SRPK1: variants seen among roughly 807,000 people sequenced by gnomAD.
SRPK1 encodes the protein SFRS protein kinase 1.
SRPK1 carries 52 observed loss-of-function variants against 89.5 expected under a neutral mutation model. That is an observed-to-expected ratio of 0.58 (90% CI 0.46 to 0.73). The LOEUF (loss-of-function observed/expected upper bound fraction) is 0.73, where lower values mean the gene tolerates loss of function less well. SRPK1 is among the 30% of genes least tolerant of loss of function. The pLI is 0.00. For missense variants in SRPK1, 603 were observed against 780.6 expected, an observed-to-expected ratio of 0.77 and a Z score of 2.71; for synonymous variants, 255 against 270.2, an observed-to-expected ratio of 0.94 and a Z score of 0.55.
intron 2 of SRPK1, among the ~76,000 whole-genome samples, chr6:35,918,711 CAATT>C (rs1170527229): frequency 6.6e-6 from 1 of 152,126 alleles, no homozygotes. Context: ...TACTTGCAAA[CAATT>C]AACACAAATA....
chr6:35,853,284 G>A (rs866301354), intron 13 of SRPK1, among the ~76,000 whole-genome samples: 5 of 151,284 alleles, frequency 3.3e-5, no homozygotes, highest in African/African-American at 1.2e-4. Context: ...AAAACAAAAT[G>A]AAACAACAAC....
At position 35,854,217 on chromosome 6, in the gene SRPK1, C is replaced by T. The variant is rs150295159; in HGVS notation, c.1620+3044G>A. Among the ~76,000 whole-genome samples, 1,218 of 152,236 alleles carry T rather than the reference C, an allele frequency of 8.0e-3. 13 individuals carry two copies. The highest frequency in any genetic ancestry group is 0.024 in the African/African-American group (978 of 41,540). On this transcript the variant is annotated intron_variant, in intron 13 of 15. Coordinates refer to ENST00000373825, the MANE Select transcript of SRPK1 (RefSeq NM_003137.5). ...CTGCCTGCCTCAGCCTCCCAAAGTG[C>T]TGGAATTACAAGTATAAGCCACTAC...
rs560685673 is a variant in SRPK1 at position 35,915,406 on chromosome 6, C to CAAAA, written c.74+5058_74+5061dup. Among the ~76,000 whole-genome samples, 435 of 73,752 alleles carry CAAAA rather than the reference C, an allele frequency of 5.9e-3. 2 individuals are homozygous for CAAAA. The highest frequency in any genetic ancestry group is 0.015 in the Admixed American group (90 of 6,172). 48.4% of individuals were successfully genotyped at this position (73,752 alleles called of 152,430 possible). On this transcript the variant is annotated intron_variant, in intron 2 of 15. Coordinates refer to ENST00000373825, the MANE Select transcript of SRPK1 (RefSeq NM_003137.5). ...TGGACGACAGAGCAAGACACCGTCT[C>CAAAA]AAAAAAAAAAAAAAAAAAGAAAAAT...
rs573614699 is a variant in SRPK1 at position 35,858,693 on chromosome 6, C to T, written c.1513-1325G>A. ...CCCCACCCAATCTCATACCCTTTCT[C>T]AGGAAACTATTGCTTGTTGCATGTA... On this transcript the variant is annotated intron_variant, in intron 12 of 15. Coordinates refer to ENST00000373825, the MANE Select transcript of SRPK1 (RefSeq NM_003137.5). 1.2e-4 allele frequency among the ~76,000 whole-genome samples: 18 copies of T among 152,132 alleles called. No homozygotes were observed. In the South Asian group the frequency reaches 3.5e-3, roughly 30 times the overall value.
intron 15 of SRPK1, among the ~76,000 whole-genome samples, chr6:35,836,285 C>T (rs1769177220): frequency 6.6e-6 from 1 of 151,880 alleles, no homozygotes; most frequent in African/African-American, 2.4e-5. Context: ...CCAAACCACC[C>T]CCCAACCCCC....
intron 7 of SRPK1, 113 bp from the exon 8 acceptor site, chr6:35,872,841 T>A: frequency 1.9e-6 from 2 of 1,029,276 alleles, no homozygotes; most frequent in South Asian, 1.9e-5. Context: ...GCGTTTTCTA[T>A]AGAGAATAAA....
At chr6:35,917,061 AAAAAC>A (rs112199076) in intron 2 of SRPK1, among the ~76,000 whole-genome samples, 9 of 150,998 alleles carry the variant, frequency 6.0e-5, no homozygotes, top group African/African-American at 1.5e-4. Context: ...CTCTGTCTCA[AAAAAC>A]AAAACAAAAC....
In SRPK1 at chr6:35,835,390, CT is replaced by C; in HGVS notation, c.1881del (p.Asp628IlefsTer9). On this transcript the variant is annotated frameshift_variant, in exon 16 of 16. Transcript: ENST00000373825. LOFTEE classifies it high-confidence loss of function. Reference protein sequence around the residue: ...EWSQEEAAGFTDFLLPMLELI... With the variant: ...EWSQEEAAGFXDFLLPMLELI... ...AGCTCCAACATGGGCAGTAAGAAATCTGTGAAGCCAGCTGCCTCTTCCTGCG... is the reference window on the plus strand; with the variant it reads ...AGCTCCAACATGGGCAGTAAGAAATCGTGAAGCCAGCTGCCTCTTCCTGCG... The C allele has an allele frequency of 3.1e-6, 5 of 1,613,814 alleles. No homozygotes were observed. Among genetic ancestry groups the C allele is most frequent in the Non-Finnish European group, 4.2e-6 (5 of 1,179,832 alleles).
chr6:35,901,182 C>G (rs989744472), intron 2 of SRPK1, among the ~76,000 whole-genome samples: 1 of 152,058 alleles, frequency 6.6e-6, no homozygotes, highest in African/African-American at 2.4e-5. Context: ...TGAATTGTGC[C>G]CCTCCTAGAA....
At chr6:35,919,496 C>G (rs659532) in intron 2 of SRPK1, among the ~76,000 whole-genome samples, 51,638 of 152,016 alleles carry the variant, frequency 0.34, 9,034 homozygotes, top group South Asian at 0.45. Flanking sequence ...AAATGTAAAA[C>G]TATAAAGATA....
chr6:35,870,186 ATG>A (rs2127245503), intron 10 of SRPK1, 93 bp downstream of exon 10: 1 of 1,034,166 alleles, frequency 9.7e-7, no homozygotes, highest in Admixed American at 2.7e-5. Flanking sequence ...ACCCCCAGAG[ATG>A]TGTTGTATGT....
chr6:35,907,689 G>A (rs1314056205), intron 2 of SRPK1, among the ~76,000 whole-genome samples: 3 of 148,756 alleles, frequency 2.0e-5, no homozygotes, highest in Admixed American at 1.4e-4. Flanking sequence ...TGGGCAATGA[G>A]AACAAAACTC....
At chr6:35,861,910 C>T (rs1330220276) in intron 12 of SRPK1, among the ~76,000 whole-genome samples, 1 of 152,198 alleles carries the variant, frequency 6.6e-6, no homozygotes, top group Non-Finnish European at 1.5e-5. Flanking sequence ...GAGTTTAAAG[C>T]TGGGCTATGC....
intron 13 of SRPK1, among the ~76,000 whole-genome samples, chr6:35,852,234 T>C (rs577244151): frequency 1.3e-5 from 2 of 152,298 alleles, no homozygotes; most frequent in African/African-American, 4.8e-5. Flanking sequence ...CACTCCCATC[T>C]CTTGAATACA....
At chr6:35,853,777 C>T (rs1769607327) in intron 13 of SRPK1, among the ~76,000 whole-genome samples, 1 of 152,080 alleles carries the variant, frequency 6.6e-6, no homozygotes, top group African/African-American at 2.4e-5. Flanking sequence ...CTGGGGACTA[C>T]AAACATACTT....
At chr6:35,847,554 C>T (rs1435485007) in intron 13 of SRPK1, among the ~76,000 whole-genome samples, 2 of 152,080 alleles carry the variant, frequency 1.3e-5, no homozygotes, top group Non-Finnish European at 2.9e-5. Flanking sequence ...CAGCAAAAAC[C>T]CGTTAGGACT....
intron 12 of SRPK1, among the ~76,000 whole-genome samples, chr6:35,860,080 G>C (rs562841800): frequency 4.7e-4 from 71 of 152,064 alleles, no homozygotes; most frequent in African/African-American, 1.7e-3. Flanking sequence ...TAGCTAGGAT[G>C]GTCTTGATCT....
chr6:35,869,453 G>C, intron 11 of SRPK1, 29 bp downstream of exon 11: 1 of 1,599,326 alleles, frequency 6.3e-7, no homozygotes, highest in South Asian at 1.1e-5. Context: ...CAGGGAAGGA[G>C]TGTTGAGGAA....
chr6:35,900,202 A>G (rs900705223), intron 2 of SRPK1, among the ~76,000 whole-genome samples: 2 of 152,004 alleles, frequency 1.3e-5, no homozygotes, highest in African/African-American at 4.8e-5. Context: ...CTCTGAACAA[A>G]CTGTTAGTGT....
Sources: gnomAD v4.1 joint callset for allele counts (sites outside exome capture counted in the v4.1 genomes callset) on GRCh38, gnomAD v4.1.1 for gene constraint, MANE v1.5 for transcripts, NCBI Gene and HGNC (gene_info 2026-07-23, HGNC 2026-07-21) for gene names.